FRMD4B: variants seen among roughly 807,000 people sequenced by gnomAD.
FRMD4B encodes the protein FERM domain-containing protein 4B.
Under a neutral mutation model 141.5 loss-of-function variants are expected in FRMD4B, and 74 were observed. The ratio of observed to expected loss-of-function variants is 0.52; its 90% confidence interval spans 0.43 to 0.63. FRMD4B has a LOEUF of 0.63. Among genes scored for constraint, FRMD4B ranks in the 30% least tolerant of loss-of-function variants. The probability of loss-of-function intolerance (pLI) is 0.00; values close to 1 mark genes in which losing one functional copy is unlikely to be tolerated. For missense variants in FRMD4B, 1,366 were observed against 1,253.4 expected (o/e 1.09, Z -1.36); for synonymous variants, 506 against 467.9 (o/e 1.08, Z -1.05).
chr3:69,414,065 A>G (rs1704807834), intron 2 of FRMD4B, among the ~76,000 whole-genome samples: 1 of 152,182 alleles, frequency 6.6e-6, no homozygotes, highest in Non-Finnish European at 1.5e-5. Context: ...ATGTTCCTCA[A>G]AACACATATG....
At chr3:69,317,770 A>AG (rs1701853305) in intron 1 of FRMD4B, among the ~76,000 whole-genome samples, 1 of 151,134 alleles carries the variant, frequency 6.6e-6, no homozygotes, top group South Asian at 2.1e-4. Flanking sequence ...AAAAAAAAAA[A>AG]AAAAAAAAGG....
intron 5 of FRMD4B, among the ~76,000 whole-genome samples, chr3:69,271,044 C>T (rs898601647): frequency 9.2e-5 from 14 of 152,128 alleles, no homozygotes; most frequent in Admixed American, 3.3e-4. Flanking sequence ...AAGCATTTAT[C>T]GTAGTATTTT....
At chr3:69,200,700 G>T (rs1575603437) in intron 11 of FRMD4B, 1 of 1,277,732 alleles carries the variant, frequency 7.8e-7, no homozygotes, top group South Asian at 1.2e-5. Flanking sequence ...TTCTAAAATG[G>T]AGGGCAGTTG....
chr3:69,187,702 C>T (rs1327905474), intron 19 of FRMD4B, 68 bp downstream of exon 19: 3 of 1,420,352 alleles, frequency 2.1e-6, no homozygotes, highest in African/African-American at 1.4e-5. Flanking sequence ...ATCAACCATA[C>T]ATTGCATTTT....
intron 1 of FRMD4B, among the ~76,000 whole-genome samples, chr3:69,374,886 T>C (rs4855400): frequency 0.93 from 142,014 of 152,202 alleles, 66,253 homozygotes; most frequent in East Asian, 0.97. Context: ...CTGCAAACTT[T>C]AGAAGCTTCA....
chr3:69,451,226 TA>T (rs67814020), intron 1 of FRMD4B, among the ~76,000 whole-genome samples: 49,162 of 151,948 alleles, frequency 0.32, 8,203 homozygotes, highest in African/African-American at 0.38. Context: ...TTTTTGAGAA[TA>T]AAAACTGTCC....
At chr3:69,536,068 G>A (rs529161206) in intron 1 of FRMD4B, 93 of 436,154 alleles carry the variant, frequency 2.1e-4, no homozygotes, top group African/African-American at 1.2e-3. Flanking sequence ...TAGCCTCACC[G>A]GGCTGTGGCC....
chr3:69,472,371 T>A (rs1389732278), intron 1 of FRMD4B: 2 of 494,376 alleles, frequency 4.0e-6, no homozygotes, highest in Non-Finnish European at 8.2e-6. Flanking sequence ...ATCTTCAACA[T>A]CTCCACCCTC....
At chr3:69,207,392 A>G (rs1036348965) in intron 11 of FRMD4B, among the ~76,000 whole-genome samples, 7 of 151,560 alleles carry the variant, frequency 4.6e-5, no homozygotes, top group African/African-American at 1.7e-4. Context: ...ACAGTGCTTT[A>G]TGTACTAATT....
intron 1 of FRMD4B, among the ~76,000 whole-genome samples, chr3:69,372,139 T>C: frequency 6.6e-6 from 1 of 152,216 alleles, no homozygotes. Flanking sequence ...CCACTTGGAA[T>C]GCTGTTCTCC....
intron 1 of FRMD4B, among the ~76,000 whole-genome samples, chr3:69,502,168 T>C (rs1240362602): frequency 1.3e-5 from 2 of 152,146 alleles, no homozygotes; most frequent in Non-Finnish European, 2.9e-5. Context: ...CTTCACAGAA[T>C]TGGAAAAAGC....
intron 4 of FRMD4B, among the ~76,000 whole-genome samples, chr3:69,291,794 T>C (rs1484363168): frequency 6.6e-6 from 1 of 152,244 alleles, no homozygotes; most frequent in Non-Finnish European, 1.5e-5. Context: ...CAATTCAGTT[T>C]TCCTTCCGTT....
intron 1 of FRMD4B, chr3:69,377,258 C>T (rs1174848149): frequency 6.6e-6 from 1 of 152,100 alleles, no homozygotes; most frequent in African/African-American, 2.4e-5. Context: ...TCATTTATCA[C>T]CCAAATTTTC....
intron 1 of FRMD4B, among the ~76,000 whole-genome samples, chr3:69,489,715 A>G (rs573178332): frequency 2.0e-5 from 3 of 152,360 alleles, no homozygotes; most frequent in South Asian, 4.1e-4. Flanking sequence ...CATATAGCCC[A>G]GAATTCTATT....
chr3:69,253,366 A>G (rs1412616368), intron 5 of FRMD4B, among the ~76,000 whole-genome samples: 1 of 152,014 alleles, frequency 6.6e-6, no homozygotes, highest in African/African-American at 2.4e-5. Context: ...AATCCTCCAA[A>G]GGTATGTTTT....
chr3:69,224,652 G>T lies in FRMD4B; in HGVS notation c.620C>A (p.Ala207Asp). Residue 207 changes from alanine to aspartate, a missense_variant, in exon 8 of 23, where the codon GCC becomes GAC. Coordinates refer to ENST00000398540, the MANE Select transcript of FRMD4B (RefSeq NM_015123.3). The stretch of plus-strand genomic sequence containing the variant: ...CTCCTGAAGAGTTTTGGTTGGAAAG[G>T]CTGGTAATGTCTTTAAATCTTTCCT... ...NARKDLKTLP[A>D]FPTKTLQEHP... is the part of the protein sequence containing the mutation. The T allele has an allele frequency of 1.3e-6, 2 of 1,584,066 alleles. No individual in the cohort carries two copies. The highest frequency in any genetic ancestry group is 8.6e-7 in the Non-Finnish European group (1 of 1,158,700).
chr3:69,356,827 G>A (rs1357088128), intron 1 of FRMD4B, among the ~76,000 whole-genome samples: 1 of 151,996 alleles, frequency 6.6e-6, no homozygotes, highest in Non-Finnish European at 1.5e-5. Context: ...AAGAGTTGGA[G>A]AGAGACATAC....
At chr3:69,221,126 C>T (rs764460659) in intron 9 of FRMD4B, among the ~76,000 whole-genome samples, 1 of 151,998 alleles carries the variant, frequency 6.6e-6, no homozygotes, top group Non-Finnish European at 1.5e-5. Flanking sequence ...ACATGCCTGG[C>T]TAATTTTTGT....
chr3:69,470,894 T>C (rs540080568), intron 1 of FRMD4B, among the ~76,000 whole-genome samples: 2 of 152,318 alleles, frequency 1.3e-5, no homozygotes, highest in South Asian at 2.1e-4. Context: ...AAATAAGTAG[T>C]AGTAAAACCA....
Sources: allele counts gnomAD v4.1 joint callset (sites outside exome capture counted in the v4.1 genomes callset), GRCh38; gene constraint gnomAD v4.1.1; transcripts MANE v1.5; gene names NCBI Gene and HGNC (gene_info 2026-07-23, HGNC 2026-07-21).